The following TCN2 variants were observed in gnomAD, a reference collection of about 807,000 sequenced individuals.
TCN2 encodes transcobalamin 2, also known as transcobalamin-2.
Under a neutral mutation model 48.6 loss-of-function variants are expected in TCN2, and 34 were observed. That is an observed-to-expected ratio of 0.70 (90% CI 0.53 to 0.93). The LOEUF (loss-of-function observed/expected upper bound fraction) is 0.93. Among genes scored for constraint, TCN2 ranks in the 40% least tolerant of loss-of-function variants. The pLI, the probability that TCN2 is intolerant of heterozygous loss-of-function variation, is 0.00. For missense variants in TCN2, 652 were observed against 526.1 expected (o/e 1.24, Z -2.34); for synonymous variants, 283 against 212.5 (o/e 1.33, Z -2.89).
chr22:30,615,518 A>C (rs761945960), intron 5 of TCN2, 45 bp downstream of exon 5: 6 of 1,053,756 alleles, frequency 5.7e-6, no homozygotes, highest in Non-Finnish European at 8.2e-6. Flanking sequence ...GGGAACAGTC[A>C]GGGGTGGAGT....
chr22:30,623,758 GTATA>G lies in TCN2; in HGVS notation c.1222+684_1222+687del, dbSNP rs57689489. ...TACATATATATACACACATATATATGTATATATATATACACACATATATATGTAT... is the reference window on the plus strand; with the variant it reads ...TACATATATATACACACATATATATGTATATATACACACATATATATGTAT... On this transcript the variant is annotated intron_variant, in intron 8 of 8. Transcript: ENST00000215838. 4.1e-4 allele frequency among the ~76,000 whole-genome samples: 28 copies of G among 67,590 alleles called. 8 individuals are homozygous for G. The highest frequency in any genetic ancestry group is 7.6e-4 in the Admixed American group (4 of 5,266). The allele number at this position is 67,590 out of a possible 152,430, so 44.3% of individuals were successfully genotyped here. A position where few individuals can be genotyped will look rare whatever the true frequency, so the allele number is the denominator to read the frequency against.
intron 1 of TCN2, among the ~76,000 whole-genome samples, chr22:30,609,197 T>C (rs1267143202): frequency 6.6e-6 from 1 of 151,508 alleles, no homozygotes; most frequent in Non-Finnish European, 1.5e-5. Flanking sequence ...AGATGAGGTC[T>C]CACTATATTG....
chr22:30,614,190 G>T (rs1364011746), intron 3 of TCN2, among the ~76,000 whole-genome samples, 159 bp from the exon 4 acceptor site: 1 of 152,212 alleles, frequency 6.6e-6, no homozygotes, highest in South Asian at 2.1e-4. Context: ...CTGACACACA[G>T]TGAGACCTCA....
chr22:30,621,742 C>A (rs966897883), intron 7 of TCN2, among the ~76,000 whole-genome samples: 7 of 152,176 alleles, frequency 4.6e-5, no homozygotes, highest in African/African-American at 1.7e-4. Context: ...CTTTGGCCTC[C>A]CAAAGTGCTG....
At chr22:30,609,183 C>G (rs1328535524) in intron 1 of TCN2, among the ~76,000 whole-genome samples, 1 of 147,242 alleles carries the variant, frequency 6.8e-6, no homozygotes, top group South Asian at 2.1e-4. Flanking sequence ...TAATTTTCTT[C>G]TAGAGATGAG....
Position 30,617,426 on chromosome 22 carries a change from C to G in TCN2, c.1037C>G (p.Ser346Cys). The G allele has an allele frequency of 6.2e-7, 1 of 1,614,138 alleles. No homozygotes were observed. The highest frequency in any genetic ancestry group is 8.5e-7 in the Non-Finnish European group (1 of 1,180,026). Residue 346 changes from serine (S) to cysteine (C), a missense_variant, in exon 7 of 9, where the codon TCC (serine) becomes TGC (cysteine). By Grantham distance (112) the Ser-to-Cys change is moderately radical (BLOSUM62 -1). Coordinates refer to ENST00000215838, the MANE Select transcript of TCN2 (RefSeq NM_000355.4). ...VLSLLPPYRQSISVLAGSTVE... is the reference protein window; with the variant it reads ...VLSLLPPYRQCISVLAGSTVE... ...AGTCTCTTGCCGCCGTACAGACAGT[C>G]CATCTCTGTTCTGGCCGGGTCCACC...
intron 7 of TCN2, among the ~76,000 whole-genome samples, chr22:30,620,466 C>T (rs768436564): frequency 6.6e-6 from 1 of 152,246 alleles, no homozygotes; most frequent in Non-Finnish European, 1.5e-5. Flanking sequence ...AGCCTGGGCA[C>T]TCCTGGCCTG....
At chr22:30,608,886 C>T (rs1228041878) in intron 1 of TCN2, among the ~76,000 whole-genome samples, 2 of 152,126 alleles carry the variant, frequency 1.3e-5, no homozygotes, top group African/African-American at 4.8e-5. Context: ...CCACAGGAGC[C>T]CCAATCCCTT....
intron 7 of TCN2, 21 bp from the exon 8 acceptor site, chr22:30,622,947 A>C (rs1382180128): frequency 1.9e-6 from 3 of 1,612,606 alleles, no homozygotes; most frequent in African/African-American, 2.7e-5. Context: ...TTCTCTCCCC[A>C]TTTGCCTTTC....
intron 1 of TCN2, among the ~76,000 whole-genome samples, chr22:30,608,372 T>C (rs568773329): frequency 1.3e-5 from 2 of 152,268 alleles, no homozygotes; most frequent in South Asian, 4.1e-4. Flanking sequence ...TTTTAGAACT[T>C]GAAGCCTCGT....
rs369762215 is a variant in TCN2, at chr22:30,614,390, T to C, written c.469T>C (p.Tyr157His). The C allele has an allele frequency of 3.1e-5, 50 of 1,614,022 alleles. No individual in the cohort carries two copies. The highest frequency in any genetic ancestry group is 3.9e-5 in the Non-Finnish European group (46 of 1,180,022). The change falls in exon 4 of 9, where the codon TAT becomes CAT. Residue 157 changes from tyrosine (Y) to histidine (H), a missense_variant. Transcript: ENST00000215838. ...CCACCCCCACACTAGCTACTACCAG[T>C]ATGGCCTGGGCATTCTGGCCCTGTG... is the stretch of plus-strand genomic sequence containing the variant. ...KGHPHTSYYQ[Y>H]GLGILALCLH...
At chr22:30,622,181 T>A (rs2087709239) in intron 7 of TCN2, among the ~76,000 whole-genome samples, 1 of 152,142 alleles carries the variant, frequency 6.6e-6, no homozygotes, top group African/African-American at 2.4e-5. Context: ...GAGATGGGGT[T>A]TCTTCATGTT....
Position 30,615,675 on chromosome 22 carries a change from C to G in TCN2, c.828C>G (p.Ala276=), listed in dbSNP as rs762594982. Residue 276 remains alanine, a synonymous_variant, in exon 6 of 9, where the codon GCC becomes GCG. Coordinates refer to ENST00000215838, the MANE Select transcript of TCN2 (RefSeq NM_000355.4). ...TCAAGGCGAGGGTTGCTTTGCTGGCCAGTCTGCAGGATGGAGCCTTCCAGA... is the reference window on the plus strand; with the variant it reads ...TCAAGGCGAGGGTTGCTTTGCTGGCGAGTCTGCAGGATGGAGCCTTCCAGA... ...ACLKARVALL[A]SLQDGAFQNA... is the part of the protein sequence containing the mutation. 1 of 1,614,232 alleles carries G rather than the reference C, an allele frequency of 6.2e-7. No individual in the cohort carries two copies. Among genetic ancestry groups the G allele is most frequent in the South Asian group, 1.1e-5 (1 of 91,084 alleles).
In TCN2 at chr22:30,607,277, C is replaced by T. The variant is rs916225022; in HGVS notation, c.-55C>T. On this transcript the variant is annotated 5_prime_UTR_variant, in exon 1 of 9. Transcript: ENST00000215838. ...GTGGTCAGGAGAGCCTCAGCAGGGC[C>T]AGCCCCAGGAGTCTTTCCCGATTCT... 5 of 1,603,960 alleles carry T rather than the reference C, an allele frequency of 3.1e-6. No homozygotes were observed. The Admixed American group carries it at 6.7e-5, about 21-fold the overall frequency.
chr22:30,622,838 C>T lies in TCN2; in HGVS notation c.1107-130C>T, dbSNP rs2087718551. ...AGATCACAGACCTGTGGCCAGGTGG[C>T]CTGGGAAGGGTTTGACGAGTGTCGG... On this transcript the variant is annotated intron_variant, in intron 7 of 8. Coordinates refer to ENST00000215838, the MANE Select transcript of TCN2 (RefSeq NM_000355.4). 9 of 908,112 alleles carry T rather than the reference C, an allele frequency of 9.9e-6. No individual in the cohort carries two copies. The South Asian group carries it at 1.2e-4, about 12-fold the overall frequency. 56.3% of individuals were successfully genotyped at this position (908,112 alleles called of 1,614,324 possible).
chr22:30,617,644 C>G, intron 7 of TCN2, 149 bp downstream of exon 7: 2 of 1,083,812 alleles, frequency 1.8e-6, no homozygotes, highest in Non-Finnish European at 2.7e-6. Context: ...CCTTTCTTGC[C>G]CACGGTGTTA....
intron 7 of TCN2, among the ~76,000 whole-genome samples, chr22:30,618,600 C>T (rs979593743): frequency 6.6e-6 from 1 of 152,198 alleles, no homozygotes; most frequent in Non-Finnish European, 1.5e-5. Context: ...ATCTGCCTGC[C>T]TCGGCCTCCC....
At chr22:30,609,730 C>T (rs566837178) in intron 1 of TCN2, among the ~76,000 whole-genome samples, 1 of 152,142 alleles carries the variant, frequency 6.6e-6, no homozygotes, top group Non-Finnish European at 1.5e-5. Context: ...AAAAAAGCAA[C>T]CCCCCAGTCT....
chr22:30,611,861 T>C (rs557947396), intron 2 of TCN2, among the ~76,000 whole-genome samples: 4 of 152,148 alleles, frequency 2.6e-5, no homozygotes, highest in Admixed American at 2.0e-4. Context: ...GAGGCCTGTT[T>C]TGGGGTTTGA....
Sources: allele counts gnomAD v4.1 joint callset (sites outside exome capture counted in the v4.1 genomes callset), GRCh38; gene constraint gnomAD v4.1.1; transcripts MANE v1.5; gene names NCBI Gene and HGNC (gene_info 2026-07-23, HGNC 2026-07-21).